The following MICU1 variants were observed in gnomAD, a reference collection of about 807,000 sequenced individuals.
MICU1 encodes the protein mitochondrial calcium uptake 1.
MICU1 carries 45 observed loss-of-function variants against 56.8 expected under a neutral mutation model. The ratio of observed to expected loss-of-function variants is 0.79; its 90% CI spans 0.62 to 1.02. The LOEUF is 1.02. MICU1 is among the 50% of genes least tolerant of loss of function. The pLI is 0.00. For synonymous variants in MICU1, 186 were observed against 195.1 expected (o/e 0.95, Z 0.39); for missense variants, 504 against 587.1 (o/e 0.86, Z 1.46).
rs571610678 is a variant in MICU1, at chr10:72,376,453, A to T, written c.1181-581T>A. Among the ~76,000 whole-genome samples the T allele has an allele frequency of 2.6e-5, 4 of 151,922 alleles. No individual in the cohort carries two copies. In the South Asian group the frequency reaches 8.3e-4, roughly 32 times the overall value. ...GTAATCCCAGCACTTTGGGATTCCG[A>T]GGCAACATGGCGAAACCCTGTCTCT... is the stretch of plus-strand genomic sequence containing the variant. On this transcript the variant is annotated intron_variant, in intron 10 of 11. Coordinates refer to ENST00000361114, the MANE Select transcript of MICU1 (RefSeq NM_001195518.2).
intron 11 of MICU1, among the ~76,000 whole-genome samples, chr10:72,374,230 C>T (rs1862441026): frequency 1.3e-5 from 2 of 152,264 alleles, no homozygotes; most frequent in Admixed American, 1.3e-4. Context: ...AAGCGATCCT[C>T]TCACTTCAGC....
intron 8 of MICU1, chr10:72,473,078 A>G (rs1865998500): frequency 6.6e-6 from 1 of 152,160 alleles, no homozygotes; most frequent in Non-Finnish European, 1.5e-5. Context: ...CCAGCTCAGG[A>G]GACAGAGCAA....
At chr10:72,414,396 T>C (rs967379087) in intron 9 of MICU1, among the ~76,000 whole-genome samples, 2 of 152,164 alleles carry the variant, frequency 1.3e-5, no homozygotes, top group African/African-American at 4.8e-5. Flanking sequence ...TATAAGCATC[T>C]ACATAAAAAT....
intron 8 of MICU1, among the ~76,000 whole-genome samples, chr10:72,454,486 A>G (rs1369469763): frequency 1.3e-5 from 2 of 149,330 alleles, no homozygotes; most frequent in East Asian, 4.0e-4. Flanking sequence ...ACAAAAAAAC[A>G]AAACTGTAGT....
chr10:72,569,237 A>ATTTTTTTTTTTTT (rs1178823534), intron 1 of MICU1, among the ~76,000 whole-genome samples: 73 of 34,370 alleles, frequency 2.1e-3, no homozygotes, highest in Non-Finnish European at 2.4e-3. Flanking sequence ...ATATATATAT[A>ATTTTTTTTTTTTT]TTTTTTTTTT....
At chr10:72,590,850 A>ATT (rs1564951063) in intron 1 of MICU1, among the ~76,000 whole-genome samples, 42 of 147,388 alleles carry the variant, frequency 2.8e-4, no homozygotes, top group Non-Finnish European at 5.2e-4. Context: ...TAAAAATTAA[A>ATT]AAAAAAAAAA....
At chr10:72,495,665 A>C (rs1866816399) in intron 6 of MICU1, among the ~76,000 whole-genome samples, 1 of 151,518 alleles carries the variant, frequency 6.6e-6, no homozygotes, top group Admixed American at 6.6e-5. Context: ...CAAAAAAAAA[A>C]AAAAAAAAAA....
At chr10:72,506,264 G>A (rs763580486) in intron 6 of MICU1, among the ~76,000 whole-genome samples, 1 of 152,158 alleles carries the variant, frequency 6.6e-6, no homozygotes, top group Non-Finnish European at 1.5e-5. Context: ...GATGTACCAG[G>A]TACTCTGAAG....
At chr10:72,499,972 T>C (rs1866969908) in intron 6 of MICU1, among the ~76,000 whole-genome samples, 1 of 152,050 alleles carries the variant, frequency 6.6e-6, no homozygotes, top group African/African-American at 2.4e-5. Flanking sequence ...CTTGTATATT[T>C]GTGAGAAAGA....
chr10:72,477,596 T>C (rs528948154), intron 6 of MICU1: 17 of 1,496,364 alleles, frequency 1.1e-5, no homozygotes, highest in African/African-American at 5.5e-5. Context: ...CAATATGGTA[T>C]TACTTATCTG....
intron 11 of MICU1, among the ~76,000 whole-genome samples, chr10:72,371,459 G>A (rs988365563): frequency 2.7e-5 from 4 of 146,456 alleles, no homozygotes; most frequent in South Asian, 2.2e-4. Flanking sequence ...AATGTAGGCC[G>A]AGGCCAGGCA....
rs1840033666 is a variant in MICU1 at position 72,551,462 on chromosome 10, A to C, written c.331-121T>G. ...CCATCCTATTTTGGGAAGAAATTCT[A>C]TCATTTTTTTCTATACTTAGTTTTT... On this transcript the variant is annotated intron_variant, in intron 3 of 11. Transcript: ENST00000361114. 4.4e-6 allele frequency: 3 copies of C among 674,864 alleles called. No homozygotes were observed. In the South Asian group the frequency reaches 1.7e-4, roughly 38 times the overall value. 41.8% of individuals were successfully genotyped at this position (674,864 alleles called of 1,614,324 possible). A position where few individuals can be genotyped will look rare whatever the true frequency, so the allele number is the denominator to read the frequency against.
At chr10:72,487,926 G>C (rs1036205804) in intron 6 of MICU1, among the ~76,000 whole-genome samples, 1 of 152,074 alleles carries the variant, frequency 6.6e-6, no homozygotes, top group South Asian at 2.1e-4. Flanking sequence ...TCTGGATGTG[G>C]TGGCTCACAC....
At chr10:72,492,767 T>TAAATA (rs1866701440) in intron 6 of MICU1, among the ~76,000 whole-genome samples, 1 of 121,302 alleles carries the variant, frequency 8.2e-6, no homozygotes, top group South Asian at 2.4e-4. Flanking sequence ...TGTCTCAAAA[T>TAAATA]AAATAAAATA....
At position 72,538,839 on chromosome 10, in the gene MICU1, T is replaced by C. The variant is rs75378912; in HGVS notation, c.494-5050A>G. 8.1e-3 allele frequency among the ~76,000 whole-genome samples: 1,225 copies of C among 152,098 alleles called. 14 individuals carry two copies. Among genetic ancestry groups the C allele is most frequent in the African/African-American group, 0.028 (1,153 of 41,510 alleles). On this transcript the variant is annotated intron_variant, in intron 4 of 11. Coordinates refer to ENST00000361114, the MANE Select transcript of MICU1 (RefSeq NM_001195518.2). ...TTTTTTTTAAAAAGACCCAACTATATGATGCCTATAAGAGACTCATTTCAC... is the reference window on the plus strand; with the variant it reads ...TTTTTTTTAAAAAGACCCAACTATACGATGCCTATAAGAGACTCATTTCAC...
At chr10:72,537,609 C>A (rs1218019021) in intron 4 of MICU1, among the ~76,000 whole-genome samples, 1 of 152,062 alleles carries the variant, frequency 6.6e-6, no homozygotes, top group Non-Finnish European at 1.5e-5. Context: ...CTACCTTTGC[C>A]TTTTTATTGA....
At chr10:72,573,784 T>C (rs974780014) in intron 1 of MICU1, among the ~76,000 whole-genome samples, 11 of 152,134 alleles carry the variant, frequency 7.2e-5, no homozygotes, top group African/African-American at 2.4e-4. Context: ...TGCATTCCCC[T>C]CAGCCAGGAA....
At chr10:72,525,674 A>C (rs2132393851) in intron 5 of MICU1, among the ~76,000 whole-genome samples, 1 of 152,346 alleles carries the variant, frequency 6.6e-6, no homozygotes, top group Non-Finnish European at 1.5e-5. Flanking sequence ...ACGAAGAAAG[A>C]AAATCATATA....
chr10:72,579,368 G>A (rs943162591), intron 1 of MICU1, among the ~76,000 whole-genome samples: 3 of 152,096 alleles, frequency 2.0e-5, no homozygotes, highest in Non-Finnish European at 2.9e-5. Context: ...GGAGAGGTAA[G>A]GCAGCGCCCT....
Sources: gnomAD v4.1 joint callset for allele counts (sites outside exome capture counted in the v4.1 genomes callset) on GRCh38, gnomAD v4.1.1 for gene constraint, MANE v1.5 for transcripts, NCBI Gene and HGNC (gene_info 2026-07-23, HGNC 2026-07-21) for gene names.